FAM83B: variants seen among roughly 807,000 people sequenced by gnomAD.
FAM83B encodes protein FAM83B.
A neutral mutation model predicts 38.8 loss-of-function variants in FAM83B; 26 were observed. The observed-to-expected ratio is 0.67, with a 90% CI of 0.49 to 0.93. The LOEUF (loss-of-function observed/expected upper bound fraction) is 0.93. Ranked by LOEUF, FAM83B falls within the 40% of genes least tolerant of loss-of-function variation. The pLI is 0.00. For synonymous variants in FAM83B, 419 were observed against 423.1 expected, an observed-to-expected ratio of 0.99 and a Z score of 0.12; for missense variants, 1,237 against 1,197.3, an observed-to-expected ratio of 1.03 and a Z score of -0.49.
At chr6:54,860,578 T>C (rs1771561139) in intron 1 of FAM83B, among the ~76,000 whole-genome samples, 1 of 152,200 alleles carries the variant, frequency 6.6e-6, no homozygotes. Flanking sequence ...CTGACATATG[T>C]ATCAATAAAG....
chr6:54,913,674 A>C (rs1020093737), intron 2 of FAM83B, among the ~76,000 whole-genome samples: 5 of 152,046 alleles, frequency 3.3e-5, no homozygotes, highest in Non-Finnish European at 7.4e-5. Flanking sequence ...CCATGAGAAG[A>C]GGAATAAGAT....
At chr6:54,925,296 A>G (rs1194144960) in intron 2 of FAM83B, among the ~76,000 whole-genome samples, 2 of 152,036 alleles carry the variant, frequency 1.3e-5, no homozygotes, top group Non-Finnish European at 2.9e-5. Context: ...TTGTTATATA[A>G]TTGACTTATT....
At chr6:54,883,473 T>A (rs1350889468) in intron 2 of FAM83B, among the ~76,000 whole-genome samples, 1 of 151,720 alleles carries the variant, frequency 6.6e-6, no homozygotes, top group East Asian at 2.0e-4. Context: ...TAGCTGGGAT[T>A]ACAGGCATGT....
At chr6:54,917,116 C>T (rs544163089) in intron 2 of FAM83B, among the ~76,000 whole-genome samples, 44 of 152,256 alleles carry the variant, frequency 2.9e-4, no homozygotes, top group African/African-American at 1.0e-3. Context: ...TGGCAGATGT[C>T]ACAATGATTT....
Position 54,940,752 on chromosome 6 carries a change from C to T in FAM83B, c.1781C>T (p.Pro594Leu). ...AATGTACAGCATTTGACAGACAAAC[C>T]CTTGCCAGAATCAATCCCCAAGCTC... is the stretch of plus-strand genomic sequence containing the variant. Reference protein sequence around the residue: ...PTNVQHLTDKPLPESIPKLPL... With the variant: ...PTNVQHLTDKLLPESIPKLPL... The change falls in exon 5 of 5, where the codon CCC becomes CTC. Residue 594 changes from proline to leucine, a missense_variant. By Grantham distance (98) the Pro-to-Leu change is moderately conservative. Transcript: ENST00000306858. 3 of 1,613,934 alleles carry T rather than the reference C, an allele frequency of 1.9e-6. No individual in the cohort carries two copies. Among genetic ancestry groups the T allele is most frequent in the Non-Finnish European group, 2.5e-6 (3 of 1,180,006 alleles).
chr6:54,871,639 A>C (rs1455740871), intron 2 of FAM83B, among the ~76,000 whole-genome samples: 5 of 144,250 alleles, frequency 3.5e-5, no homozygotes, highest in African/African-American at 1.0e-4. Flanking sequence ...GCTAGTCAGG[A>C]GGCTAAGACA....
chr6:54,861,975 C>T (rs1021782278), intron 1 of FAM83B, among the ~76,000 whole-genome samples: 2 of 152,140 alleles, frequency 1.3e-5, no homozygotes, highest in African/African-American at 4.8e-5. Flanking sequence ...AAGGTTTTCT[C>T]TAGAGTCTTG....
intron 1 of FAM83B, among the ~76,000 whole-genome samples, chr6:54,859,971 T>C (rs765879642): frequency 2.6e-5 from 4 of 152,120 alleles, no homozygotes; most frequent in South Asian, 2.1e-4. Context: ...AAACATTTGT[T>C]AAATACAGAA....
intron 2 of FAM83B, among the ~76,000 whole-genome samples, chr6:54,878,060 C>T (rs1033560277): frequency 6.6e-6 from 1 of 152,106 alleles, no homozygotes; most frequent in Non-Finnish European, 1.5e-5. Flanking sequence ...CCAGGAGGCA[C>T]TGAAAGGAAA....
At chr6:54,910,028 A>G in intron 2 of FAM83B, among the ~76,000 whole-genome samples, 1 of 152,322 alleles carries the variant, frequency 6.6e-6, no homozygotes, top group East Asian at 1.9e-4. Context: ...CATTGTAAAG[A>G]ATTTATATAT....
intron 2 of FAM83B, among the ~76,000 whole-genome samples, chr6:54,871,979 A>C (rs1337079968): frequency 6.6e-6 from 1 of 152,102 alleles, no homozygotes; most frequent in African/African-American, 2.4e-5. Flanking sequence ...CCTCAGTGAC[A>C]TGGCAGTTTG....
At chr6:54,886,367 A>C (rs147760414) in intron 2 of FAM83B, among the ~76,000 whole-genome samples, 168 of 152,154 alleles carry the variant, frequency 1.1e-3, no homozygotes, top group Non-Finnish European at 2.2e-3. Context: ...TCAACCTTGA[A>C]TATTAGGAAA....
chr6:54,858,174 AAATC>A (rs1421411651), intron 1 of FAM83B, among the ~76,000 whole-genome samples: 1 of 152,224 alleles, frequency 6.6e-6, no homozygotes, highest in African/African-American at 2.4e-5. Context: ...GATAACAGGA[AAATC>A]AATAGCTTTG....
chr6:54,858,961 T>C (rs1771509609), intron 1 of FAM83B, among the ~76,000 whole-genome samples: 1 of 152,220 alleles, frequency 6.6e-6, no homozygotes, highest in Non-Finnish European at 1.5e-5. Flanking sequence ...TATTTTATAT[T>C]ACCAAAAACC....
intron 2 of FAM83B, among the ~76,000 whole-genome samples, chr6:54,883,029 C>T (rs1047055205): frequency 3.3e-5 from 5 of 152,174 alleles, no homozygotes; most frequent in South Asian, 2.1e-4. Context: ...CTGCAAGCTC[C>T]GCCTCCCGGG....
chr6:54,913,319 A>G (rs1448374920), intron 2 of FAM83B, among the ~76,000 whole-genome samples: 2 of 152,114 alleles, frequency 1.3e-5, no homozygotes, highest in Non-Finnish European at 2.9e-5. Context: ...ATTGTCACCA[A>G]CATTTTTATT....
In FAM83B at chr6:54,944,846, A is replaced by C. The variant is rs565856785; in HGVS notation, c.*2839A>C. The stretch of plus-strand genomic sequence containing the variant: ...GATATTCAGGTAGATCCTGGGTTCT[A>C]GAATATTTAAAACAAAAGGATAAAA... On this transcript the variant is annotated 3_prime_UTR_variant, in exon 5 of 5. Transcript: ENST00000306858. 5 of 152,266 alleles carry C rather than the reference A, an allele frequency of 3.3e-5. No homozygotes were observed. Among genetic ancestry groups the C allele is most frequent in the Non-Finnish European group, 7.4e-5 (5 of 68,020 alleles). 9.4% of individuals were successfully genotyped at this position (152,266 alleles called of 1,614,324 possible). A position where few individuals can be genotyped will look rare whatever the true frequency, so the allele number is the denominator to read the frequency against.
rs1561934810 is a variant in FAM83B, at chr6:54,942,730, T to TTTTTTTTTTTTTTTTTTTTTTTTTTGAG, written c.*723_*724insTTTTTTTTTTTTTTTTTTTTTTTTTGAG. Among the ~76,000 whole-genome samples the TTTTTTTTTTTTTTTTTTTTTTTTTTGAG allele has an allele frequency of 6.6e-6, 1 of 151,864 alleles. No homozygotes were observed. Among genetic ancestry groups the TTTTTTTTTTTTTTTTTTTTTTTTTTGAG allele is most frequent in the African/African-American group, 2.4e-5 (1 of 41,190 alleles). On this transcript the variant is annotated 3_prime_UTR_variant, in exon 5 of 5. Coordinates refer to ENST00000306858, the MANE Select transcript of FAM83B (RefSeq NM_001010872.3). ...TCTTACCCATAGGCTGCTGATTTTT[T>TTTTTTTTTTTTTTTTTTTTTTTTTTGAG]ATAGTCATTCCTTACTTCACATTTA... is the stretch of plus-strand genomic sequence containing the variant.
At chr6:54,885,009 T>A (rs1772240886) in intron 2 of FAM83B, among the ~76,000 whole-genome samples, 1 of 152,116 alleles carries the variant, frequency 6.6e-6, no homozygotes, top group East Asian at 1.9e-4. Flanking sequence ...CCTGACCTCG[T>A]GATCTGCCCG....
Sources: allele counts gnomAD v4.1 joint callset (sites outside exome capture counted in the v4.1 genomes callset), GRCh38; gene constraint gnomAD v4.1.1; transcripts MANE v1.5; gene names NCBI Gene and HGNC (gene_info 2026-07-23, HGNC 2026-07-21).